Variants in ZFP91 observed in about 807,000 individuals in gnomAD.
ZFP91 encodes the protein E3 ubiquitin-protein ligase ZFP91.
ZFP91 carries 7 observed loss-of-function variants against 63.5 expected under a neutral mutation model. The ratio of observed to expected loss-of-function variants is 0.11; its 90% CI spans 0.06 to 0.21. ZFP91 has a LOEUF of 0.21. Ranked by LOEUF, ZFP91 falls within the 10% of genes least tolerant of loss-of-function variation. The pLI is 1.00. For missense variants in ZFP91, 628 were observed against 736.6 expected (o/e 0.85, Z 1.71); for synonymous variants, 330 against 272.1 (o/e 1.21, Z -2.10).
At chr11:58,594,945 A>G (rs1855371405) in intron 2 of ZFP91, among the ~76,000 whole-genome samples, 1 of 152,198 alleles carries the variant, frequency 6.6e-6, no homozygotes, top group Non-Finnish European at 1.5e-5. Flanking sequence ...TCAGGTTAGT[A>G]TATTATATAA....
At chr11:58,596,389 A>G (rs1015630675) in intron 2 of ZFP91, among the ~76,000 whole-genome samples, 5 of 152,178 alleles carry the variant, frequency 3.3e-5, no homozygotes, top group Admixed American at 1.3e-4. Flanking sequence ...GTTTCTCTAC[A>G]AATGTTTCTA....
Position 58,598,082 on chromosome 11 carries a change from A to G in ZFP91, c.371-11748A>G, listed in dbSNP as rs79212549. On this transcript the variant is annotated intron_variant, in intron 2 of 10. Transcript: ENST00000316059. ...ACTTGAAACAGCTGAGCTTGCTGCAATAGCAACAGGAGATAGCTATGAAAT... is the reference window on the plus strand; with the variant it reads ...ACTTGAAACAGCTGAGCTTGCTGCAGTAGCAACAGGAGATAGCTATGAAAT... Among the ~76,000 whole-genome samples, 833 of 152,314 alleles carry G rather than the reference A, an allele frequency of 5.5e-3. 6 individuals are homozygous for G. Among genetic ancestry groups the G allele is most frequent in the African/African-American group, 0.019 (793 of 41,584 alleles).
At chr11:58,579,659 C>T (rs756183486) in intron 1 of ZFP91, 37 bp downstream of exon 1, 17 of 1,502,154 alleles carry the variant, frequency 1.1e-5, no homozygotes, top group East Asian at 2.7e-5. Context: ...GAAAGACCCC[C>T]CTCTGTCCGT....
At chr11:58,581,810 A>C (rs1431286620) in intron 1 of ZFP91, among the ~76,000 whole-genome samples, 1 of 150,570 alleles carries the variant, frequency 6.6e-6, no homozygotes, top group African/African-American at 2.4e-5. Flanking sequence ...ATATGGATGA[A>C]GATGACTTAA....
intron 2 of ZFP91, among the ~76,000 whole-genome samples, chr11:58,608,082 C>T (rs976077799): frequency 3.3e-5 from 5 of 151,580 alleles, no homozygotes; most frequent in African/African-American, 4.8e-5. Flanking sequence ...TATATATACA[C>T]ACACACACAC....
intron 2 of ZFP91, among the ~76,000 whole-genome samples, chr11:58,606,403 T>C (rs1855570953): frequency 6.6e-6 from 1 of 152,164 alleles, no homozygotes; most frequent in African/African-American, 2.4e-5. Context: ...TTTTTATTGG[T>C]ATTCTGTATT....
intron 2 of ZFP91, among the ~76,000 whole-genome samples, chr11:58,603,623 G>C (rs1855525714): frequency 6.6e-6 from 1 of 152,250 alleles, no homozygotes; most frequent in Non-Finnish European, 1.5e-5. Context: ...GAATGATGCT[G>C]AGGGTAGAGC....
At chr11:58,583,681 A>G (rs1855156428) in intron 1 of ZFP91, among the ~76,000 whole-genome samples, 1 of 152,086 alleles carries the variant, frequency 6.6e-6, no homozygotes, top group Non-Finnish European at 1.5e-5. Context: ...GTTTTTATTT[A>G]AAGATGGGAT....
Position 58,593,905 on chromosome 11 carries a change from G to A in ZFP91, c.370+9021G>A, listed in dbSNP as rs925449002. ...TTAAGTTATTCTCTAGTCCTGTCTC[G>A]TCTGTTTCCTAAGTATTTCTTATAT... On this transcript the variant is annotated intron_variant, in intron 2 of 10. Transcript: ENST00000316059. Among the ~76,000 whole-genome samples, 19 of 152,184 alleles carry A rather than the reference G, an allele frequency of 1.2e-4. 1 individual carries two copies. The highest frequency in any genetic ancestry group is 4.3e-4 in the African/African-American group (18 of 41,528).
rs2134426780 is a variant in ZFP91 at position 58,617,337 on chromosome 11, C to T, written c.1344C>T (p.His448=). The T allele has an allele frequency of 6.2e-7, 1 of 1,613,890 alleles. No homozygotes were observed. The highest frequency in any genetic ancestry group is 8.5e-7 in the Non-Finnish European group (1 of 1,179,928). ...KFEKKDSVVA[H]KAKSHPEVLI... ...AGAAGAAGGACAGCGTAGTGGCACA[C>T]AAGGCAAAAAGCCACCCTGAGGTGC... The change falls in exon 11 of 11, where the codon CAC becomes CAT. Residue 448 remains histidine, a synonymous_variant. Coordinates refer to ENST00000316059, the MANE Select transcript of ZFP91 (RefSeq NM_053023.5). This position sits in a 1 kb window ranked among gnomAD's most constrained non-coding sequence, Gnocchi z 4.2.
intron 2 of ZFP91, among the ~76,000 whole-genome samples, chr11:58,604,833 G>T (rs959978032): frequency 2.0e-5 from 3 of 152,208 alleles, no homozygotes; most frequent in Admixed American, 1.3e-4. Flanking sequence ...GAAGCCAAAA[G>T]ATTGGACAAC....
chr11:58,620,870 C>T lies in ZFP91; in HGVS notation c.*3164C>T, dbSNP rs1855838919. On this transcript the variant is annotated 3_prime_UTR_variant, in exon 11 of 11. Transcript: ENST00000316059. ...CTGTTGTAATGTGCAGGACCCTTCT[C>T]CTTTCATGGGAGAGACAGGTAGTTA... 1.3e-5 allele frequency: 2 copies of T among 152,506 alleles called. No individual in the cohort carries two copies. Among genetic ancestry groups the T allele is most frequent in the African/African-American group, 4.8e-5 (2 of 41,424 alleles). 9.4% of individuals were successfully genotyped at this position (152,506 alleles called of 1,614,324 possible). A position where few individuals can be genotyped will look rare whatever the true frequency, so the allele number is the denominator to read the frequency against.
chr11:58,616,445 A>G (rs1204747807), intron 9 of ZFP91, among the ~76,000 whole-genome samples: 1 of 152,100 alleles, frequency 6.6e-6, no homozygotes, highest in Non-Finnish European at 1.5e-5. Flanking sequence ...TAGTGGTAAA[A>G]TTGAGATTAG....
At chr11:58,614,170 A>C in intron 8 of ZFP91, 59 bp from the exon 9 acceptor site, 1 of 1,115,200 alleles carries the variant, frequency 9.0e-7, no homozygotes, top group Non-Finnish European at 1.3e-6. Flanking sequence ...AGCAAAGACA[A>C]GTACTTTCAG....
chr11:58,595,188 A>C (rs1280785043), intron 2 of ZFP91, among the ~76,000 whole-genome samples: 3 of 152,212 alleles, frequency 2.0e-5, no homozygotes, highest in Non-Finnish European at 2.9e-5. Flanking sequence ...AAGAATAATA[A>C]ATACTTGATA....
intron 9 of ZFP91, among the ~76,000 whole-genome samples, chr11:58,614,761 A>T (rs765916288): frequency 2.0e-4 from 30 of 152,108 alleles, no homozygotes; most frequent in Admixed American, 2.6e-4. Flanking sequence ...GAAGCATAAT[A>T]CTCTGCTGCT....
chr11:58,611,596 G>C lies in ZFP91; in HGVS notation c.723-8G>C. On this transcript the variant is annotated splice_polypyrimidine_tract_variant and splice_region_variant and intron_variant, in intron 5 of 10. Transcript: ENST00000316059. ...TTGTCTAGTATTGAAATGCATTTGTGTTTTCAGGGAAACCCCAAAGCCACG... is the reference window on the plus strand; with the variant it reads ...TTGTCTAGTATTGAAATGCATTTGTCTTTTCAGGGAAACCCCAAAGCCACG... The C allele has an allele frequency of 6.2e-7, 1 of 1,610,326 alleles. No homozygotes were observed. Among genetic ancestry groups the C allele is most frequent in the Non-Finnish European group, 8.5e-7 (1 of 1,178,258 alleles).
chr11:58,609,160 C>T lies in ZFP91; in HGVS notation c.371-670C>T, dbSNP rs576533724. Among the ~76,000 whole-genome samples the T allele has an allele frequency of 2.0e-5, 3 of 152,204 alleles. No individual in the cohort carries two copies. The South Asian group carries it at 6.2e-4, about 32-fold the overall frequency. On this transcript the variant is annotated intron_variant, in intron 2 of 10. Coordinates refer to ENST00000316059, the MANE Select transcript of ZFP91 (RefSeq NM_053023.5). ...TCTGAGATTAACTTTTTATTACTTACTACTCAAGAGAGGATGACCTACCGT... is the reference window on the plus strand; with the variant it reads ...TCTGAGATTAACTTTTTATTACTTATTACTCAAGAGAGGATGACCTACCGT...
At chr11:58,613,375 A>G (rs1179613532) in intron 8 of ZFP91, among the ~76,000 whole-genome samples, 5 of 152,084 alleles carry the variant, frequency 3.3e-5, no homozygotes, top group African/African-American at 1.2e-4. Flanking sequence ...AGCCTTTAAG[A>G]CCTAAGCACC....
Sources: allele counts gnomAD v4.1 joint callset (sites outside exome capture counted in the v4.1 genomes callset), GRCh38; gene constraint gnomAD v4.1.1; non-coding constraint Gnocchi (gnomAD v3.1); transcripts MANE v1.5; gene names NCBI Gene and HGNC (gene_info 2026-07-23, HGNC 2026-07-21).